The following GBX1 variants were observed in gnomAD, a reference collection of about 807,000 sequenced individuals.
GBX1 encodes gastrulation brain homeobox 1.
In GBX1, 9 loss-of-function variants were observed where a neutral mutation model predicts 22.9. The observed-to-expected ratio is 0.39, with a 90% CI of 0.24 to 0.69. The LOEUF is 0.69. Among genes scored for constraint, GBX1 ranks in the 30% least tolerant of loss-of-function variants. The pLI is 0.43. For synonymous variants in GBX1, 203 were observed against 227.3 expected, an observed-to-expected ratio of 0.89 and a Z score of 0.96; for missense variants, 494 against 509.2, an observed-to-expected ratio of 0.97 and a Z score of 0.29.
intron 1 of GBX1, among the ~76,000 whole-genome samples, chr7:151,164,136 A>T (rs1379536198): frequency 6.6e-6 from 1 of 152,256 alleles, no homozygotes; most frequent in Admixed American, 6.5e-5. Flanking sequence ...ACGGGTTAGC[A>T]GTTGTAAAAC....
chr7:151,164,276 C>A (rs1801225316), intron 1 of GBX1, among the ~76,000 whole-genome samples: 1 of 152,186 alleles, frequency 6.6e-6, no homozygotes, highest in Non-Finnish European at 1.5e-5. Context: ...AGGTTTCAAT[C>A]CCATTATTCA....
intron 1 of GBX1, among the ~76,000 whole-genome samples, chr7:151,150,760 C>G (rs1008713107): frequency 6.6e-6 from 1 of 151,974 alleles, no homozygotes; most frequent in Non-Finnish European, 1.5e-5. Context: ...CAGAGTGAGA[C>G]TCTCACTCTG....
At position 151,164,618 on chromosome 7, in the gene GBX1, T is replaced by A. The variant is rs571831835; in HGVS notation, c.538+2393A>T. 2.0e-5 allele frequency among the ~76,000 whole-genome samples: 3 copies of A among 152,158 alleles called. No individual in the cohort carries two copies. In the South Asian group the frequency reaches 6.2e-4, roughly 32 times the overall value. On this transcript the variant is annotated intron_variant, in intron 1 of 1. Coordinates refer to ENST00000297537, the MANE Select transcript of GBX1 (RefSeq NM_001098834.3). ...TCCTCCTTACTACTGTGTCCCAGCCTCCCCACTATAAACCCTTTACATGTA... is the reference window on the plus strand; with the variant it reads ...TCCTCCTTACTACTGTGTCCCAGCCACCCCACTATAAACCCTTTACATGTA...
At chr7:151,164,864 T>G (rs1201287284) in intron 1 of GBX1, among the ~76,000 whole-genome samples, 1 of 145,484 alleles carries the variant, frequency 6.9e-6, no homozygotes, top group Non-Finnish European at 1.5e-5. Context: ...CCCCTCACTC[T>G]CAATATTAAA....
chr7:151,165,338 T>C (rs1417291423), intron 1 of GBX1, among the ~76,000 whole-genome samples: 8 of 152,220 alleles, frequency 5.3e-5, no homozygotes, highest in Non-Finnish European at 1.2e-4. Flanking sequence ...GTCCCACAGT[T>C]TGGGCATATG....
At chr7:151,155,374 T>C (rs1000696647) in intron 1 of GBX1, among the ~76,000 whole-genome samples, 1 of 152,198 alleles carries the variant, frequency 6.6e-6, no homozygotes, top group Non-Finnish European at 1.5e-5. Context: ...TCATGCCCAA[T>C]ACAGAATTAT....
At chr7:151,150,505 A>G (rs541612634) in intron 1 of GBX1, among the ~76,000 whole-genome samples, 8 of 152,314 alleles carry the variant, frequency 5.3e-5, no homozygotes, top group African/African-American at 1.9e-4. Context: ...TTGAGAATAC[A>G]ACTCCAAGTA....
At chr7:151,152,830 C>A (rs1801095216) in intron 1 of GBX1, among the ~76,000 whole-genome samples, 1 of 152,206 alleles carries the variant, frequency 6.6e-6, no homozygotes, top group African/African-American at 2.4e-5. Flanking sequence ...GGTTCACAAC[C>A]TCTCTTGGTT....
At chr7:151,166,316 A>G (rs911280603) in intron 1 of GBX1, among the ~76,000 whole-genome samples, 12 of 151,730 alleles carry the variant, frequency 7.9e-5, no homozygotes, top group Admixed American at 2.6e-4. Flanking sequence ...GCCACACCCA[A>G]CTCAGCCCAG....
At chr7:151,153,259 C>T (rs1801098647) in intron 1 of GBX1, among the ~76,000 whole-genome samples, 1 of 152,180 alleles carries the variant, frequency 6.6e-6, no homozygotes, top group African/African-American at 2.4e-5. Context: ...AATACTGATA[C>T]ATTTGAAGCA....
intron 1 of GBX1, among the ~76,000 whole-genome samples, chr7:151,150,577 T>C (rs1801065632): frequency 6.6e-6 from 1 of 152,150 alleles, no homozygotes; most frequent in Admixed American, 6.5e-5. Flanking sequence ...TGTTCACAGA[T>C]AGAACATCTC....
At chr7:151,166,483 C>A (rs542752918) in intron 1 of GBX1, among the ~76,000 whole-genome samples, 4 of 125,282 alleles carry the variant, frequency 3.2e-5, no homozygotes, top group South Asian at 2.7e-4. Context: ...AACCCCCCCC[C>A]CCCAACACAC....
chr7:151,164,998 C>A (rs1243978063), intron 1 of GBX1, among the ~76,000 whole-genome samples: 1 of 151,914 alleles, frequency 6.6e-6, no homozygotes, highest in South Asian at 2.1e-4. Flanking sequence ...AACACACACA[C>A]ACATACACAC....
intron 1 of GBX1, among the ~76,000 whole-genome samples, chr7:151,159,334 C>G (rs986113509): frequency 1.3e-5 from 2 of 152,118 alleles, no homozygotes; most frequent in Non-Finnish European, 2.9e-5. Flanking sequence ...TCCCAAAGTG[C>G]TGGGATTACA....
rs868569751 is a variant in GBX1 at position 151,167,274 on chromosome 7, C to G, written c.275G>C (p.Gly92Ala). The stretch of plus-strand genomic sequence containing the variant: ...CGCCACCATCGAGGGCACAGCCTGA[C>G]CCAGCCCCGCGCAGAAGGTGTTGGT... ...RLTNTFCAGL[G>A]QAVPSMVALT... Residue 92 changes from glycine (G) to alanine (A), a missense_variant, in exon 1 of 2, where the codon GGT (glycine) becomes GCT (alanine). Transcript: ENST00000297537. The surrounding 1 kb of genome is among the most constrained non-coding windows in gnomAD (Gnocchi z 5.9). The G allele has an allele frequency of 1.3e-6, 2 of 1,539,398 alleles. No individual in the cohort carries two copies. Among genetic ancestry groups the G allele is most frequent in the African/African-American group, 2.8e-5 (2 of 70,354 alleles).
chr7:151,162,055 G>A (rs1352809151), intron 1 of GBX1, among the ~76,000 whole-genome samples: 1 of 152,196 alleles, frequency 6.6e-6, no homozygotes, highest in African/African-American at 2.4e-5. Flanking sequence ...TACAACTAAT[G>A]AGTGACAAAG....
intron 1 of GBX1, among the ~76,000 whole-genome samples, chr7:151,159,251 A>C (rs1001159869): frequency 3.3e-5 from 5 of 151,418 alleles, no homozygotes; most frequent in Admixed American, 3.3e-4. Context: ...CTGCTAGCTA[A>C]TTTTCTGTAT....
At chr7:151,164,704 A>G (rs1052691303) in intron 1 of GBX1, among the ~76,000 whole-genome samples, 2 of 151,092 alleles carry the variant, frequency 1.3e-5, no homozygotes, top group African/African-American at 4.9e-5. Context: ...CTTCCTCTGT[A>G]AGTTCTCCTT....
chr7:151,164,024 G>GTCTTAAC (rs2066142894), intron 1 of GBX1, among the ~76,000 whole-genome samples: 1 of 151,790 alleles, frequency 6.6e-6, no homozygotes, highest in Non-Finnish European at 1.5e-5. Context: ...AATGGTACCT[G>GTCTTAAC]TCTTAACTCT....
Sources: allele counts gnomAD v4.1 joint callset (sites outside exome capture counted in the v4.1 genomes callset), GRCh38; gene constraint gnomAD v4.1.1; non-coding constraint Gnocchi (gnomAD v3.1); transcripts MANE v1.5; gene names NCBI Gene and HGNC (gene_info 2026-07-23, HGNC 2026-07-21).